Variants in ADCY8 observed in about 807,000 individuals in gnomAD.
The protein encoded by ADCY8 is adenylate cyclase type 8.
In ADCY8, 51 loss-of-function variants were observed where a neutral mutation model predicts 119.7. The ratio of observed to expected loss-of-function variants is 0.43; its 90% CI spans 0.34 to 0.54. The LOEUF is 0.54. Among genes scored for constraint, ADCY8 ranks in the 20% least tolerant of loss-of-function variants. The pLI is 0.03. For missense variants in ADCY8, 1,383 were observed against 1,598.8 expected (o/e 0.87, Z 2.30); for synonymous variants, 665 against 651.0 (o/e 1.02, Z -0.33).
At chr8:130,898,786 T>A (rs796298243) in intron 7 of ADCY8, among the ~76,000 whole-genome samples, 2 of 152,226 alleles carry the variant, frequency 1.3e-5, no homozygotes, top group Non-Finnish European at 2.9e-5. Flanking sequence ...TACATTTTTA[T>A]AGCTACATAA....
chr8:130,809,755 G>C (rs545320981), intron 14 of ADCY8, among the ~76,000 whole-genome samples: 10 of 152,202 alleles, frequency 6.6e-5, no homozygotes, highest in Non-Finnish European at 1.3e-4. Flanking sequence ...AGGTCACATG[G>C]CCTTATTTGG....
intron 8 of ADCY8, among the ~76,000 whole-genome samples, chr8:130,883,606 T>C (rs1425231557): frequency 2.0e-5 from 3 of 152,200 alleles, no homozygotes; most frequent in Non-Finnish European, 2.9e-5. Context: ...AAAAAATTGC[T>C]CACTGGAGCT....
At chr8:130,883,764 G>T (rs1818869861) in intron 8 of ADCY8, among the ~76,000 whole-genome samples, 1 of 152,130 alleles carries the variant, frequency 6.6e-6, no homozygotes, top group African/African-American at 2.4e-5. Flanking sequence ...ACCCAGTTAA[G>T]CAAGGTCGGC....
chr8:130,884,805 C>T, intron 7 of ADCY8, 44 bp from the exon 8 acceptor site: 1 of 1,571,968 alleles, frequency 6.4e-7, no homozygotes, highest in Non-Finnish European at 8.8e-7. Flanking sequence ...TGCTAGTCCC[C>T]TTTAGATAAA....
chr8:130,807,276 C>A (rs1815995322), intron 14 of ADCY8, among the ~76,000 whole-genome samples: 1 of 152,214 alleles, frequency 6.6e-6, no homozygotes, highest in South Asian at 2.1e-4. Flanking sequence ...ATGGGAGAAA[C>A]TATGTCTGAG....
At chr8:130,909,584 CT>C in intron 6 of ADCY8, 123 bp downstream of exon 6, 1 of 1,147,518 alleles carries the variant, frequency 8.7e-7, no homozygotes. Context: ...GTTTCAGTGT[CT>C]GGTCTCCTTC....
At chr8:130,879,926 G>A (rs933203460) in intron 8 of ADCY8, among the ~76,000 whole-genome samples, 16 of 152,236 alleles carry the variant, frequency 1.1e-4, no homozygotes, top group African/African-American at 3.9e-4. Flanking sequence ...TGTTGTGGGA[G>A]GGACCCAGTG....
At chr8:130,962,564 A>G (rs573250090) in intron 2 of ADCY8, among the ~76,000 whole-genome samples, 2 of 152,232 alleles carry the variant, frequency 1.3e-5, no homozygotes, top group Non-Finnish European at 2.9e-5. Flanking sequence ...CAAGTCGTCA[A>G]AATGGTTTTA....
intron 4 of ADCY8, among the ~76,000 whole-genome samples, chr8:130,937,906 T>A (rs4736723): frequency 0.4 from 60,918 of 151,960 alleles, 12,540 homozygotes; most frequent in East Asian, 0.61. Context: ...GGGTTGTTTT[T>A]TATCTCCATT....
intron 1 of ADCY8, among the ~76,000 whole-genome samples, chr8:131,021,109 C>T (rs1236875364): frequency 1.3e-5 from 2 of 152,074 alleles, no homozygotes; most frequent in Non-Finnish European, 2.9e-5. Context: ...TTGGATGATA[C>T]AGCATGAGTA....
At chr8:131,027,108 C>T (rs1274683581) in intron 1 of ADCY8, among the ~76,000 whole-genome samples, 1 of 152,152 alleles carries the variant, frequency 6.6e-6, no homozygotes, top group Non-Finnish European at 1.5e-5. Flanking sequence ...GAGAGTCATG[C>T]TTGAAGGACT....
At position 131,040,000 on chromosome 8, in the gene ADCY8, G is replaced by A. The variant is rs777025629; in HGVS notation, c.334C>T (p.Arg112Cys). 2.6e-6 allele frequency: 4 copies of A among 1,565,260 alleles called. No homozygotes were observed. In the Admixed American group the frequency reaches 5.6e-5, roughly 22 times the overall value. Residue 112 changes from arginine to cysteine, a missense_variant, in exon 1 of 18, where the codon CGC (arginine) becomes TGC (cysteine). Physicochemically the swap from Arg to Cys is radical, Grantham distance 180 (BLOSUM62 -3). Coordinates refer to ENST00000286355, the MANE Select transcript of ADCY8 (RefSeq NM_001115.3). Reference sequence around the variant, plus strand: ...CCGCTGGCACTGCCGCTCCCGCTGCGTTCCGGGAAGACTTTGGTGCCGCAG... The same window carrying A: ...CCGCTGGCACTGCCGCTCCCGCTGCATTCCGGGAAGACTTTGGTGCCGCAG... ...STCGTKVFPERSGSGSASGSG... is the reference protein window; with the variant it reads ...STCGTKVFPECSGSGSASGSG...
chr8:131,011,533 G>A (rs1823304502), intron 1 of ADCY8, among the ~76,000 whole-genome samples: 1 of 152,166 alleles, frequency 6.6e-6, no homozygotes, highest in Admixed American at 6.5e-5. Context: ...CCCAGAGGAT[G>A]GGACAGCAAG....
chr8:130,997,641 TA>T (rs1051379276), intron 1 of ADCY8, among the ~76,000 whole-genome samples: 15 of 152,200 alleles, frequency 9.9e-5, no homozygotes, highest in South Asian at 8.3e-4. Context: ...CAAATAACTT[TA>T]AAAATAAGTG....
At chr8:130,962,338 G>A (rs1184657183) in intron 2 of ADCY8, among the ~76,000 whole-genome samples, 1 of 152,150 alleles carries the variant, frequency 6.6e-6, no homozygotes, top group Non-Finnish European at 1.5e-5. Flanking sequence ...ACTCCTGCTG[G>A]GGCGCAATAT....
intron 13 of ADCY8, among the ~76,000 whole-genome samples, chr8:130,818,957 T>C (rs1437691785): frequency 6.6e-6 from 1 of 152,220 alleles, no homozygotes; most frequent in Non-Finnish European, 1.5e-5. Context: ...ACCTGCCTTG[T>C]TTTTGTCATC....
intron 14 of ADCY8, among the ~76,000 whole-genome samples, chr8:130,805,075 C>T (rs938036512): frequency 2.6e-5 from 4 of 151,714 alleles, no homozygotes; most frequent in African/African-American, 7.3e-5. Context: ...TTTTATTTCT[C>T]AGTCTTTCCA....
chr8:130,790,784 A>T (rs1045294862), intron 15 of ADCY8, among the ~76,000 whole-genome samples: 10 of 152,320 alleles, frequency 6.6e-5, no homozygotes, highest in African/African-American at 2.2e-4. Flanking sequence ...TCGATCCATT[A>T]TACCTTTGGG....
intron 1 of ADCY8, among the ~76,000 whole-genome samples, chr8:131,024,072 G>T (rs112785367): frequency 0.014 from 2,089 of 152,238 alleles, 32 homozygotes; most frequent in African/African-American, 0.029. Flanking sequence ...CTGCAGTGTA[G>T]TTCTTGTTTC....
Sources: allele counts gnomAD v4.1 joint callset (sites outside exome capture counted in the v4.1 genomes callset), GRCh38; gene constraint gnomAD v4.1.1; transcripts MANE v1.5; gene names NCBI Gene and HGNC (gene_info 2026-07-23, HGNC 2026-07-21).